CEP112: variants seen among roughly 807,000 people sequenced by gnomAD.
CEP112 encodes the protein centrosomal protein of 112 kDa.
CEP112 carries 127 observed loss-of-function variants against 153.0 expected under a neutral mutation model. The ratio of observed to expected loss-of-function variants is 0.83; its 90% CI spans 0.72 to 0.96. The LOEUF (loss-of-function observed/expected upper bound fraction) is 0.96. CEP112 is among the 40% of genes least tolerant of loss of function. The pLI, the probability that CEP112 is intolerant of heterozygous loss-of-function variation, is 0.00. For missense variants in CEP112, 1,089 were observed against 1,101.2 expected, an observed-to-expected ratio of 0.99 and a Z score of 0.16; for synonymous variants, 358 against 374.4, an observed-to-expected ratio of 0.96 and a Z score of 0.51.
At chr17:65,750,520 G>T in intron 22 of CEP112, 142 bp downstream of exon 22, 2 of 649,596 alleles carry the variant, frequency 3.1e-6, no homozygotes, top group Non-Finnish European at 5.4e-6. Context: ...TTGTTTATTT[G>T]TATACCCATA....
At position 65,695,563 on chromosome 17, in the gene CEP112, A is replaced by G. The variant is rs114103093; in HGVS notation, c.2608-6345T>C. ...ACAAGAATAAAGTGATGGCAGATAC[A>G]TGCCTTTTAATAATGAATAAATGAA... On this transcript the variant is annotated intron_variant, in intron 23 of 26. Transcript: ENST00000535342. 3.4e-3 allele frequency among the ~76,000 whole-genome samples: 518 copies of G among 152,362 alleles called. 4 individuals carry two copies. Among genetic ancestry groups the G allele is most frequent in the African/African-American group, 0.012 (501 of 41,584 alleles).
chr17:65,857,290 G>C (rs1274474270), intron 20 of CEP112, among the ~76,000 whole-genome samples: 1 of 152,226 alleles, frequency 6.6e-6, no homozygotes, highest in East Asian at 1.9e-4. Context: ...AATAAGGTGG[G>C]TTGGACAAGC....
intron 24 of CEP112, among the ~76,000 whole-genome samples, chr17:65,681,519 GT>G (rs1238276000): frequency 6.7e-6 from 1 of 149,906 alleles, no homozygotes; most frequent in Non-Finnish European, 1.5e-5. Flanking sequence ...CCAAATGAAT[GT>G]CCTCCTGCTA....
intron 4 of CEP112, among the ~76,000 whole-genome samples, chr17:66,154,218 T>C (rs2071336439): frequency 6.7e-6 from 1 of 150,164 alleles, no homozygotes; most frequent in South Asian, 2.1e-4. Flanking sequence ...TGAATGACAT[T>C]TAAAAATAAT....
intron 16 of CEP112, among the ~76,000 whole-genome samples, chr17:66,012,780 A>G (rs1377151782): frequency 6.6e-6 from 1 of 152,200 alleles, no homozygotes; most frequent in African/African-American, 2.4e-5. Flanking sequence ...CTCTCTAGCA[A>G]GGTTGGGGAA....
chr17:66,047,685 T>C (rs755469475), intron 12 of CEP112, among the ~76,000 whole-genome samples: 1 of 152,240 alleles, frequency 6.6e-6, no homozygotes, highest in Non-Finnish European at 1.5e-5. Context: ...GCTACATACA[T>C]GTAAAGGGTT....
At chr17:66,186,127 G>T (rs2072923831) in intron 1 of CEP112, among the ~76,000 whole-genome samples, 1 of 151,594 alleles carries the variant, frequency 6.6e-6, no homozygotes, top group South Asian at 2.1e-4. Context: ...CACTTACCAA[G>T]ATCCATCCTG....
At chr17:65,951,550 T>C (rs528930655) in intron 18 of CEP112, among the ~76,000 whole-genome samples, 24 of 152,158 alleles carry the variant, frequency 1.6e-4, no homozygotes, top group Non-Finnish European at 3.2e-4. Context: ...TTTCATTTTC[T>C]AGAAAATCAA....
In CEP112 at chr17:65,678,196, C is replaced by T. The variant is rs541701128; in HGVS notation, c.2697+10933G>A. 8.6e-5 allele frequency among the ~76,000 whole-genome samples: 13 copies of T among 151,770 alleles called. No individual in the cohort carries two copies. The East Asian group carries it at 2.1e-3, about 25-fold the overall frequency. ...TCTCTACTTTCTCTTTCTACCTGTT[C>T]ACTGAATTCTATGAATTCAGTGCTT... is the stretch of plus-strand genomic sequence containing the variant. On this transcript the variant is annotated intron_variant, in intron 24 of 26. Transcript: ENST00000535342.
chr17:65,661,162 G>A (rs533877098), intron 24 of CEP112, among the ~76,000 whole-genome samples: 1 of 152,134 alleles, frequency 6.6e-6, no homozygotes, highest in Non-Finnish European at 1.5e-5. Flanking sequence ...TGCACATGCT[G>A]TTTTGTGCTC....
chr17:65,679,862 C>G (rs898063673), intron 24 of CEP112, among the ~76,000 whole-genome samples: 1 of 152,194 alleles, frequency 6.6e-6, no homozygotes, highest in Non-Finnish European at 1.5e-5. Context: ...ACAAATGATA[C>G]TAGTTGTAAC....
chr17:65,917,070 G>A (rs2060521537), intron 19 of CEP112, among the ~76,000 whole-genome samples: 1 of 152,184 alleles, frequency 6.6e-6, no homozygotes, highest in Admixed American at 6.5e-5. Context: ...GAGTCTGGCA[G>A]CCTAATGGCT....
intron 6 of CEP112, among the ~76,000 whole-genome samples, chr17:66,117,797 A>T (rs1005994708): frequency 1.3e-5 from 2 of 152,220 alleles, no homozygotes; most frequent in Non-Finnish European, 2.9e-5. Flanking sequence ...AAATACATAA[A>T]GAGTTCACAC....
chr17:66,115,754 T>G (rs1024086544), intron 6 of CEP112, among the ~76,000 whole-genome samples: 6 of 152,222 alleles, frequency 3.9e-5, no homozygotes, highest in Non-Finnish European at 8.8e-5. Flanking sequence ...GAGAGATTAA[T>G]CTGAGATTGA....
intron 21 of CEP112, among the ~76,000 whole-genome samples, chr17:65,847,171 A>T (rs2057759475): frequency 6.6e-6 from 1 of 152,136 alleles, no homozygotes; most frequent in South Asian, 2.1e-4. Context: ...TTTGTCAACA[A>T]GTCCCTCCAT....
chr17:65,710,486 T>A lies in CEP112; in HGVS notation c.2608-21268A>T, dbSNP rs2049123054. On this transcript the variant is annotated intron_variant, in intron 23 of 26. Transcript: ENST00000535342. The stretch of plus-strand genomic sequence containing the variant: ...GAGGTATGAGCCCATGATATTTGTA[T>A]GCGTGTAAGACAGCAAGGAAGTAAT... Among the ~76,000 whole-genome samples the A allele has an allele frequency of 1.3e-5, 2 of 152,224 alleles. 1 individual carries two copies. The highest frequency in any genetic ancestry group is 4.8e-5 in the African/African-American group (2 of 41,442).
intron 19 of CEP112, among the ~76,000 whole-genome samples, chr17:65,908,208 C>T (rs576845085): frequency 6.6e-6 from 1 of 152,214 alleles, no homozygotes; most frequent in South Asian, 2.1e-4. Context: ...TGGGTATGTG[C>T]CCACCCTAAA....
At chr17:65,669,695 A>T (rs1486542285) in intron 24 of CEP112, among the ~76,000 whole-genome samples, 2 of 152,138 alleles carry the variant, frequency 1.3e-5, no homozygotes, top group Non-Finnish European at 2.9e-5. Flanking sequence ...CGAGGTCAGG[A>T]GATCGAGACC....
At chr17:66,178,269 A>G (rs1406012004) in intron 2 of CEP112, among the ~76,000 whole-genome samples, 1 of 152,148 alleles carries the variant, frequency 6.6e-6, no homozygotes, top group Admixed American at 6.5e-5. Context: ...ACTGGGGTGA[A>G]ATAATATCTC....
Sources: allele counts gnomAD v4.1 joint callset (sites outside exome capture counted in the v4.1 genomes callset), GRCh38; gene constraint gnomAD v4.1.1; transcripts MANE v1.5; gene names NCBI Gene and HGNC (gene_info 2026-07-23, HGNC 2026-07-21).